The following SRCIN1 variants were observed in gnomAD, a reference collection of about 807,000 sequenced individuals.
The protein encoded by SRCIN1 is SRC kinase signaling inhibitor 1, also known as P130Cas-associated protein.
Under a neutral mutation model 116.2 loss-of-function variants are expected in SRCIN1, and 50 were observed. The ratio of observed to expected loss-of-function variants is 0.43; its 90% confidence interval spans 0.34 to 0.54. The LOEUF is 0.54. Among genes scored for constraint, SRCIN1 ranks in the 20% least tolerant of loss-of-function variants. The probability of loss-of-function intolerance (pLI) is 0.02; values close to 1 mark genes in which losing one functional copy is unlikely to be tolerated. For missense variants in SRCIN1, 1,446 were observed against 1,672.0 expected, an observed-to-expected ratio of 0.86 and a Z score of 2.36; for synonymous variants, 736 against 750.0, an observed-to-expected ratio of 0.98 and a Z score of 0.30.
chr17:38,567,357 C>T (rs1486691312), intron 3 of SRCIN1, among the ~76,000 whole-genome samples: 1 of 152,226 alleles, frequency 6.6e-6, no homozygotes, highest in Non-Finnish European at 1.5e-5. Flanking sequence ...CGCAGCCTGG[C>T]TCTTGGGTCC....
At chr17:38,539,639 C>G (rs1399718230) in intron 18 of SRCIN1, among the ~76,000 whole-genome samples, 1 of 152,160 alleles carries the variant, frequency 6.6e-6, no homozygotes, top group East Asian at 1.9e-4. Flanking sequence ...CACTGCCCTT[C>G]CCCCAGGGAG....
At chr17:38,575,731 C>T (rs752444188) in intron 2 of SRCIN1, among the ~76,000 whole-genome samples, 1 of 152,198 alleles carries the variant, frequency 6.6e-6, no homozygotes, top group Non-Finnish European at 1.5e-5. Flanking sequence ...ACCTTTCTTT[C>T]CTGTATCTCA....
chr17:38,564,173 G>C lies in SRCIN1; in HGVS notation c.486C>G (p.Phe162Leu), dbSNP rs1312986156. The C allele has an allele frequency of 1.3e-6, 2 of 1,596,148 alleles. No homozygotes were observed. Among genetic ancestry groups the C allele is most frequent in the South Asian group, 2.3e-5 (2 of 87,758 alleles). ...LPLGFSRMNR[F>L]RQSLPLSRSA... ...AGCGGGAGAGAGGCAGGCTCTGTCG[G>C]AAGCGGTTCATCCTGCTGAAGCCCA... Residue 162 changes from phenylalanine (F) to leucine (L), a missense_variant, in exon 4 of 19, where the codon TTC becomes TTG. By Grantham distance (22) the Phe-to-Leu change is conservative (BLOSUM62 0). This residue lies in a region of SRCIN1 where 246 missense variants were observed against 265.1 expected (regional missense o/e 0.93). Coordinates refer to ENST00000617146, the MANE Select transcript of SRCIN1 (RefSeq NM_025248.3).
intron 1 of SRCIN1, among the ~76,000 whole-genome samples, chr17:38,597,249 C>T (rs899659044): frequency 6.6e-6 from 1 of 152,218 alleles, no homozygotes; most frequent in Non-Finnish European, 1.5e-5. Context: ...CTGGATGAGG[C>T]AGTGGGAGGC....
chr17:38,600,260 C>T (rs138407431), intron 1 of SRCIN1, among the ~76,000 whole-genome samples: 1 of 152,202 alleles, frequency 6.6e-6, no homozygotes. Flanking sequence ...TTTACCCAGC[C>T]CTGCCCCAGG....
chr17:38,604,632 C>A lies in SRCIN1; in HGVS notation c.22+1052G>T. On this transcript the variant is annotated intron_variant, in intron 1 of 18. Transcript: ENST00000617146. The surrounding 1 kb of genome is among the most constrained non-coding windows in gnomAD (Gnocchi z 4.3). ...ACGCGTGGGGCTGGGGGACGAGCAC[C>A]AGCAGCCGCACACGCCCCGCCGGGC... 1 of 422,580 alleles carries A rather than the reference C, an allele frequency of 2.4e-6. No individual in the cohort carries two copies. Among genetic ancestry groups the A allele is most frequent in the Non-Finnish European group, 4.7e-6 (1 of 211,192 alleles). 26.2% of individuals were successfully genotyped at this position (422,580 alleles called of 1,614,324 possible).
At position 38,532,784 on chromosome 17, in the gene SRCIN1, T is replaced by C. The variant is rs62075667; in HGVS notation, c.*513A>G. The C allele has an allele frequency of 0.046, 6,965 of 152,624 alleles. 198 individuals are homozygous for C. The highest frequency in any genetic ancestry group is 0.081 in the Middle Eastern group (24 of 296). The allele number at this position is 152,624 out of a possible 1,614,324, so 9.5% of individuals were successfully genotyped here. A position where few individuals can be genotyped will look rare whatever the true frequency, so the allele number is the denominator to read the frequency against. ...CAAGGCCAGTCTCCCTAAGCCCCGC[T>C]CTCTGGCTTGATGTATGGGTTGGTC... On this transcript the variant is annotated 3_prime_UTR_variant, in exon 19 of 19. Coordinates refer to ENST00000617146, the MANE Select transcript of SRCIN1 (RefSeq NM_025248.3). This position sits in a 1 kb window ranked among gnomAD's most constrained non-coding sequence, Gnocchi z 4.3.
chr17:38,578,912 C>G (rs1028279430), intron 1 of SRCIN1, 121 bp from the exon 2 acceptor site: 38 of 1,186,084 alleles, frequency 3.2e-5, no homozygotes, highest in Non-Finnish European at 4.2e-5. Flanking sequence ...GGAGAGGCGC[C>G]CGGGGAGAGG....
chr17:38,568,217 A>T lies in SRCIN1; in HGVS notation c.339T>A (p.Ser113Arg). The T allele has an allele frequency of 6.2e-7, 1 of 1,612,656 alleles. No individual in the cohort carries two copies. Among genetic ancestry groups the T allele is most frequent in the Non-Finnish European group, 8.5e-7 (1 of 1,179,528 alleles). Residue 113 changes from serine (S) to arginine (R), a missense_variant, in exon 3 of 19, where the codon AGT becomes AGA. Coordinates refer to ENST00000617146, the MANE Select transcript of SRCIN1 (RefSeq NM_025248.3). The surrounding 1 kb of genome is among the most constrained non-coding windows in gnomAD (Gnocchi z 4.5). Reference sequence around the variant, plus strand: ...AGAGGCATCACACACTGACCTTGAAACTCCAGTAGTTTGGCTGCTGATGGA... The same window carrying T: ...AGAGGCATCACACACTGACCTTGAATCTCCAGTAGTTTGGCTGCTGATGGA... ...DRMREQPNYW[S>R]FKTRSSRHTQ...
chr17:38,534,669 T>G (rs116042140), intron 18 of SRCIN1, among the ~76,000 whole-genome samples: 3,502 of 152,280 alleles, frequency 0.023, 133 homozygotes, highest in African/African-American at 0.078. Context: ...AGCTAGAGTC[T>G]AAAGCAAGCC....
Position 38,602,151 on chromosome 17 carries a change from T to G in SRCIN1, c.22+3533A>C, listed in dbSNP as rs1909082003. 2.0e-5 allele frequency: 3 copies of G among 150,330 alleles called. No homozygotes were observed. Among genetic ancestry groups the G allele is most frequent in the African/African-American group, 7.4e-5 (3 of 40,612 alleles). The allele number at this position is 150,330 out of a possible 1,614,324, so 9.3% of individuals were successfully genotyped here. A position where few individuals can be genotyped will look rare whatever the true frequency, so the allele number is the denominator to read the frequency against. ...CCATGCCCCTGCCCCTCTGCCCACC[T>G]CCCCCAGAAACTCCCCTGGCTGCCA... On this transcript the variant is annotated intron_variant, in intron 1 of 18. Transcript: ENST00000617146. This position sits in a 1 kb window ranked among gnomAD's most constrained non-coding sequence, Gnocchi z 4.2.
rs762913215 is a variant in SRCIN1, at chr17:38,578,658, C to T, written c.156G>A (p.Thr52=). 6.3e-7 allele frequency: 1 copy of T among 1,580,498 alleles called. No homozygotes were observed. Among genetic ancestry groups the T allele is most frequent in the Admixed American group, 1.8e-5 (1 of 55,686 alleles). Residue 52 remains threonine, a synonymous_variant, in exon 2 of 19, where the codon ACG becomes ACA. Transcript: ENST00000617146. ...CGATCACCGTGTGCCGCCGCTCGGA[C>T]GTGTGCACCAGCCCCACGTTGGAGA... ...RRFSNVGLVH[T]SERRHTVIAA... is the part of the protein sequence containing the mutation.
At chr17:38,583,213 C>T (rs1004222293) in intron 1 of SRCIN1, among the ~76,000 whole-genome samples, 8 of 152,132 alleles carry the variant, frequency 5.3e-5, no homozygotes, top group Non-Finnish European at 1.0e-4. Flanking sequence ...ACCACAGGCA[C>T]GTGCCACCAT....
chr17:38,583,392 TACTC>T (rs1170906167), intron 1 of SRCIN1, among the ~76,000 whole-genome samples: 1 of 152,060 alleles, frequency 6.6e-6, no homozygotes, highest in Non-Finnish European at 1.5e-5. Context: ...TTAATTTACT[TACTC>T]ATTCAGTCAA....
upstream of SRCIN1, among the ~76,000 whole-genome samples, chr17:38,606,789 TGACCCGGACCCA>T (rs1484027606): frequency 6.6e-6 from 1 of 152,094 alleles, no homozygotes; most frequent in Non-Finnish European, 1.5e-5. The surrounding 1 kb of genome is among the most constrained non-coding windows in gnomAD (Gnocchi z 5.2). Context: ...TCTCCAGCGC[TGACCCGGACCCA>T]GACCCAGACC....
chr17:38,561,716 C>T lies in SRCIN1; in HGVS notation c.1447G>A (p.Ala483Thr). 1.3e-6 allele frequency: 2 copies of T among 1,532,724 alleles called. No homozygotes were observed. The highest frequency in any genetic ancestry group is 1.7e-6 in the Non-Finnish European group (2 of 1,145,930). The allele number at this position is 1,532,724 out of a possible 1,614,324, so 94.9% of individuals were successfully genotyped here. The change falls in exon 7 of 19, where the codon GCA becomes ACA. Residue 483 changes from alanine (A) to threonine (T), a missense_variant. Ala to Thr is a moderately conservative substitution (Grantham distance 58). Coordinates refer to ENST00000617146, the MANE Select transcript of SRCIN1 (RefSeq NM_025248.3). ...SSPQKLADVA[A>T]PPGGPPPPHS... ...GGTGGCGGGGGACCTCCGGGGGGTG[C>T]TGCCACGTCGGCCAGCTTCTGCGGT... is the stretch of plus-strand genomic sequence containing the variant.
intron 1 of SRCIN1, among the ~76,000 whole-genome samples, chr17:38,583,548 G>GTTTTTTTT (rs10691272): frequency 1.2e-4 from 12 of 104,264 alleles, no homozygotes; most frequent in African/African-American, 2.7e-4. Context: ...TTCATTTTCT[G>GTTTTTTTT]TTTTTTTTTT....
At chr17:38,589,503 C>T (rs990180786) in intron 1 of SRCIN1, among the ~76,000 whole-genome samples, 1 of 152,178 alleles carries the variant, frequency 6.6e-6, no homozygotes, top group Non-Finnish European at 1.5e-5. Context: ...TCGGGGCTCC[C>T]TTGCTGAGGT....
At chr17:38,539,090 C>T (rs1337911659) in intron 18 of SRCIN1, among the ~76,000 whole-genome samples, 1 of 152,224 alleles carries the variant, frequency 6.6e-6, no homozygotes, top group African/African-American at 2.4e-5. Context: ...TGGTGGCAAA[C>T]TCATTCGCTC....
Sources: gnomAD v4.1 joint callset for allele counts (sites outside exome capture counted in the v4.1 genomes callset) on GRCh38, gnomAD v4.1.1 for gene constraint, gnomAD v4.1.1 regional missense constraint, Gnocchi (gnomAD v3.1) non-coding constraint, MANE v1.5 for transcripts, NCBI Gene and HGNC (gene_info 2026-07-23, HGNC 2026-07-21) for gene names.